The following MAGI2 variants were observed in gnomAD, a reference collection of about 807,000 sequenced individuals.
MAGI2 encodes the protein membrane-associated guanylate kinase, WW and PDZ domain-containing protein 2.
In MAGI2, 35 loss-of-function variants were observed where a neutral mutation model predicts 133.3. That is an observed-to-expected ratio of 0.26 (90% CI 0.20 to 0.35). MAGI2 has a LOEUF of 0.35. Among genes scored for constraint, MAGI2 ranks in the 10% least tolerant of loss-of-function variants. MAGI2 has a pLI of 1.00. For missense variants in MAGI2, 1,636 were observed against 1,863.4 expected (o/e 0.88, Z 2.25); for synonymous variants, 729 against 710.6 (o/e 1.03, Z -0.41).
Position 78,178,058 on chromosome 7 carries a change from A to T in MAGI2, c.2356T>A (p.Ser786Thr), listed in dbSNP as rs1365396519. Reference sequence around the variant, plus strand: ...CCGAGGATTCTGAAGCCAAATCCAGACTCCATCCTCCGAAGATGAACATCC... The same window carrying T: ...CCGAGGATTCTGAAGCCAAATCCAGTCTCCATCCTCCGAAGATGAACATCC... ...ELDVHLRRME[S>T]GFGFRILGGD... Residue 786 changes from serine to threonine, a missense_variant, in exon 14 of 22, where the codon TCT becomes ACT. By Grantham distance (58) the Ser-to-Thr change is moderately conservative. Coordinates refer to ENST00000354212, the MANE Select transcript of MAGI2 (RefSeq NM_012301.4). 6.2e-7 allele frequency: 1 copy of T among 1,613,066 alleles called. No individual in the cohort carries two copies. The highest frequency in any genetic ancestry group is 8.5e-7 in the Non-Finnish European group (1 of 1,179,344).
At chr7:79,313,679 C>T (rs1028008545) in intron 1 of MAGI2, among the ~76,000 whole-genome samples, 2 of 152,234 alleles carry the variant, frequency 1.3e-5, no homozygotes, top group Non-Finnish European at 2.9e-5. Context: ...GTTAAGAGAA[C>T]TGTTAGCCTT....
At chr7:79,293,453 A>G (rs922986053) in intron 1 of MAGI2, among the ~76,000 whole-genome samples, 4 of 152,352 alleles carry the variant, frequency 2.6e-5, no homozygotes, top group Admixed American at 2.6e-4. Context: ...CACAGTTTGC[A>G]TTTAATAAGT....
At chr7:78,497,452 C>T (rs375733047) in intron 5 of MAGI2, among the ~76,000 whole-genome samples, 5 of 152,262 alleles carry the variant, frequency 3.3e-5, no homozygotes, top group African/African-American at 1.2e-4. Context: ...ACCAGGGTTG[C>T]TGAGGGCAGA....
At chr7:78,395,037 A>G (rs938923622) in intron 6 of MAGI2, among the ~76,000 whole-genome samples, 2 of 152,212 alleles carry the variant, frequency 1.3e-5, no homozygotes, top group Non-Finnish European at 2.9e-5. Flanking sequence ...TGAATGTTCA[A>G]TGGTCAAAAG....
At chr7:78,358,185 AAAAAAAAAAAAATATAT>A (rs1394253543) in intron 7 of MAGI2, 1 of 55,708 alleles carries the variant, frequency 1.8e-5, no homozygotes, top group African/African-American at 9.1e-5. Context: ...AAAAAAAAAA[AAAAAAAAAAAAATATAT>A]ATATATATAT....
chr7:78,710,504 T>A (rs187397156), intron 2 of MAGI2, among the ~76,000 whole-genome samples: 2 of 152,100 alleles, frequency 1.3e-5, no homozygotes, highest in Non-Finnish European at 2.9e-5. Flanking sequence ...GAAGCAAGCT[T>A]AATCTCTGAA....
chr7:78,832,746 G>A (rs1052725024), intron 2 of MAGI2, among the ~76,000 whole-genome samples: 17 of 152,304 alleles, frequency 1.1e-4, no homozygotes, highest in African/African-American at 3.8e-4. Context: ...GTGGCATGCA[G>A]GATTGTGTAA....
At chr7:78,841,095 C>T (rs982906494) in intron 2 of MAGI2, among the ~76,000 whole-genome samples, 13 of 151,950 alleles carry the variant, frequency 8.6e-5, no homozygotes, top group African/African-American at 2.7e-4. Flanking sequence ...CACCATGTAA[C>T]GGCTGACTTC....
chr7:78,331,321 A>G (rs953429744), intron 9 of MAGI2, among the ~76,000 whole-genome samples: 1 of 95,552 alleles, frequency 1.0e-5, no homozygotes, highest in African/African-American at 4.5e-5. Flanking sequence ...CAATATACCT[A>G]TGTAACAAAC....
chr7:78,692,768 A>G (rs1300783404), intron 2 of MAGI2, among the ~76,000 whole-genome samples: 2 of 152,178 alleles, frequency 1.3e-5, no homozygotes, highest in South Asian at 2.1e-4. Context: ...TAGCACACGT[A>G]TGAAGTGTGT....
At chr7:78,030,878 C>T (rs1314791189) in intron 21 of MAGI2, among the ~76,000 whole-genome samples, 1 of 152,212 alleles carries the variant, frequency 6.6e-6, no homozygotes, top group Non-Finnish European at 1.5e-5. Flanking sequence ...GAGGTATCTA[C>T]CTGAGTGAAA....
intron 1 of MAGI2, among the ~76,000 whole-genome samples, chr7:79,389,793 C>T (rs1377000637): frequency 6.6e-6 from 1 of 151,986 alleles, no homozygotes; most frequent in Non-Finnish European, 1.5e-5. Context: ...CCCTTTTACT[C>T]ACTAGAAGAC....
chr7:78,371,661 C>A (rs1197258647), intron 6 of MAGI2, among the ~76,000 whole-genome samples: 2 of 151,936 alleles, frequency 1.3e-5, no homozygotes, highest in African/African-American at 4.8e-5. Context: ...TGCCAAATTT[C>A]TTGGGTACAA....
intron 2 of MAGI2, among the ~76,000 whole-genome samples, chr7:78,722,287 C>T (rs1459813997): frequency 6.6e-6 from 1 of 151,858 alleles, no homozygotes; most frequent in Non-Finnish European, 1.5e-5. Flanking sequence ...AAAATTTGAA[C>T]TGTGAGAAGG....
At chr7:78,060,138 C>T (rs1327944224) in intron 21 of MAGI2, among the ~76,000 whole-genome samples, 2 of 152,018 alleles carry the variant, frequency 1.3e-5, no homozygotes, top group Non-Finnish European at 2.9e-5. Context: ...GAAGCAACTA[C>T]CTGGAACATT....
At chr7:78,187,598 C>T (rs1827811293) in intron 12 of MAGI2, among the ~76,000 whole-genome samples, 2 of 152,134 alleles carry the variant, frequency 1.3e-5, no homozygotes, top group South Asian at 4.1e-4. Flanking sequence ...CCAGTTGGCT[C>T]ATGGAGAGCA....
intron 10 of MAGI2, among the ~76,000 whole-genome samples, chr7:78,236,124 C>CACTAA (rs1790516721): frequency 6.7e-6 from 1 of 149,404 alleles, no homozygotes; most frequent in Non-Finnish European, 1.5e-5. Flanking sequence ...TAGGGTTAAT[C>CACTAA]TGTTCTTACC....
At chr7:78,982,546 C>T (rs1804880680) in intron 2 of MAGI2, among the ~76,000 whole-genome samples, 1 of 151,564 alleles carries the variant, frequency 6.6e-6, no homozygotes, top group South Asian at 2.1e-4. Flanking sequence ...CACAGTGAAC[C>T]TTGATAAGAG....
chr7:78,624,203 G>T (rs1808068761), intron 3 of MAGI2, among the ~76,000 whole-genome samples: 1 of 151,770 alleles, frequency 6.6e-6, no homozygotes, highest in South Asian at 2.1e-4. Flanking sequence ...TAAGTTCCTT[G>T]TAGACTCAAT....
Sources: gnomAD v4.1 joint callset for allele counts (sites outside exome capture counted in the v4.1 genomes callset) on GRCh38, gnomAD v4.1.1 for gene constraint, MANE v1.5 for transcripts, NCBI Gene and HGNC (gene_info 2026-07-23, HGNC 2026-07-21) for gene names.